Variants in GRID1 observed in about 807,000 individuals in gnomAD.
GRID1 encodes glutamate receptor ionotropic, delta-1.
GRID1 carries 28 observed loss-of-function variants against 98.0 expected under a neutral mutation model. That is an observed-to-expected ratio of 0.29 (90% CI 0.21 to 0.39). The LOEUF (loss-of-function observed/expected upper bound fraction) is 0.39, where lower values mean the gene tolerates loss of function less well. GRID1 is among the 10% of genes least tolerant of loss of function. GRID1 has a pLI of 1.00. For missense variants in GRID1, 1,111 were observed against 1,340.5 expected (o/e 0.83, Z 2.67); for synonymous variants, 553 against 538.5 (o/e 1.03, Z -0.37).
At chr10:85,931,835 T>A (rs1841854117) in intron 4 of GRID1, among the ~76,000 whole-genome samples, 1 of 152,188 alleles carries the variant, frequency 6.6e-6, no homozygotes, top group Non-Finnish European at 1.5e-5. Flanking sequence ...GGGTGTGACT[T>A]GTGGATAGGG....
chr10:85,776,537 G>C (rs1331138299), intron 8 of GRID1, among the ~76,000 whole-genome samples: 1 of 152,202 alleles, frequency 6.6e-6, no homozygotes, highest in Non-Finnish European at 1.5e-5. Context: ...AACTGGGGTG[G>C]CCTGTGTTGA....
chr10:85,637,259 T>C (rs1314138092), intron 13 of GRID1, among the ~76,000 whole-genome samples: 1 of 152,206 alleles, frequency 6.6e-6, no homozygotes, highest in African/African-American at 2.4e-5. Flanking sequence ...AAAAGAAATA[T>C]TTTAAACTTT....
At chr10:85,888,489 T>A (rs759099258) in intron 5 of GRID1, among the ~76,000 whole-genome samples, 5 of 152,230 alleles carry the variant, frequency 3.3e-5, no homozygotes, top group Admixed American at 6.5e-5. Context: ...CCCCATTTTA[T>A]CAATCAACTT....
intron 2 of GRID1, among the ~76,000 whole-genome samples, chr10:86,236,470 T>A (rs77176560): frequency 6.6e-6 from 1 of 152,130 alleles, no homozygotes; most frequent in Non-Finnish European, 1.5e-5. Flanking sequence ...ACCATCACTG[T>A]CCCCACTTCA....
chr10:85,752,642 T>C (rs1001020184), intron 8 of GRID1, among the ~76,000 whole-genome samples: 16 of 152,212 alleles, frequency 1.1e-4, no homozygotes, highest in Admixed American at 3.3e-4. Context: ...AAATATTCTA[T>C]TGCTAACTTG....
intron 5 of GRID1, among the ~76,000 whole-genome samples, chr10:85,896,953 AT>A (rs1251555688): frequency 3.3e-5 from 5 of 152,220 alleles, no homozygotes; most frequent in Non-Finnish European, 7.3e-5. Flanking sequence ...GATTCCTCCA[AT>A]GACAGAATAC....
intron 8 of GRID1, among the ~76,000 whole-genome samples, chr10:85,815,428 T>C (rs1453432578): frequency 6.6e-6 from 1 of 151,754 alleles, no homozygotes; most frequent in Non-Finnish European, 1.5e-5. Context: ...ATACAAGAAA[T>C]ATAGATTGGA....
intron 4 of GRID1, among the ~76,000 whole-genome samples, chr10:86,032,792 C>T (rs1837711014): frequency 1.4e-5 from 2 of 147,952 alleles, no homozygotes; most frequent in Admixed American, 6.8e-5. Flanking sequence ...CCAAATCCCC[C>T]TCTCCGAGAA....
At chr10:85,628,443 C>T (rs1383958465) in intron 13 of GRID1, among the ~76,000 whole-genome samples, 1 of 152,006 alleles carries the variant, frequency 6.6e-6, no homozygotes, top group Non-Finnish European at 1.5e-5. Context: ...AGCACCATTG[C>T]CCCCAGGGAG....
intron 2 of GRID1, among the ~76,000 whole-genome samples, chr10:86,232,324 G>T (rs1564713807): frequency 6.6e-6 from 1 of 152,220 alleles, no homozygotes; most frequent in Non-Finnish European, 1.5e-5. Context: ...TACACTGAGG[G>T]TTCTCTGGCT....
intron 2 of GRID1, among the ~76,000 whole-genome samples, chr10:86,218,163 T>C (rs368922943): frequency 2.6e-5 from 4 of 152,120 alleles, no homozygotes; most frequent in East Asian, 1.9e-4. Context: ...CCTGTGTGTG[T>C]GTGCTTGTGC....
chr10:85,639,353 A>G (rs1843087392), intron 13 of GRID1, among the ~76,000 whole-genome samples: 1 of 152,224 alleles, frequency 6.6e-6, no homozygotes, highest in Non-Finnish European at 1.5e-5. Context: ...ATTTATATTA[A>G]CTACAAGAGC....
intron 4 of GRID1, among the ~76,000 whole-genome samples, chr10:86,007,431 C>T (rs975097551): frequency 6.6e-6 from 1 of 152,160 alleles, no homozygotes; most frequent in African/African-American, 2.4e-5. Flanking sequence ...CTGCTTGCCT[C>T]AATGAGCCTC....
At chr10:85,623,896 T>A (rs916468369) in intron 13 of GRID1, among the ~76,000 whole-genome samples, 1 of 152,208 alleles carries the variant, frequency 6.6e-6, no homozygotes, top group African/African-American at 2.4e-5. Context: ...GAATCTAGCT[T>A]CCTTTCAACC....
chr10:85,819,433 C>T (rs773177837), intron 8 of GRID1, among the ~76,000 whole-genome samples: 43 of 152,170 alleles, frequency 2.8e-4, no homozygotes, highest in Non-Finnish European at 5.6e-4. Flanking sequence ...TAGTAACTTG[C>T]TTCTAATAAA....
intron 8 of GRID1, among the ~76,000 whole-genome samples, chr10:85,807,357 A>T (rs1012603600): frequency 9.4e-5 from 12 of 127,492 alleles, no homozygotes; most frequent in African/African-American, 2.9e-4. Context: ...CTCCTCAAAT[A>T]AAAAAAAAAA....
intron 4 of GRID1, among the ~76,000 whole-genome samples, chr10:85,929,319 T>C (rs1279952556): frequency 6.6e-6 from 1 of 151,982 alleles, no homozygotes; most frequent in Non-Finnish European, 1.5e-5. Flanking sequence ...AGAACAGCAG[T>C]GTTGGGGTCC....
rs35511693 is a variant in GRID1, at chr10:86,336,224, A to G, written c.235+27717T>C. Among the ~76,000 whole-genome samples, 725 of 152,358 alleles carry G rather than the reference A, an allele frequency of 4.8e-3. 2 individuals are homozygous for G. The highest frequency in any genetic ancestry group is 7.2e-3 in the Non-Finnish European group (489 of 68,036). Reference sequence around the variant, plus strand: ...AGGAGATTGTTTCACAGTGTTTGCAATAAAATGTACACAATAACACATAGA... The same window carrying G: ...AGGAGATTGTTTCACAGTGTTTGCAGTAAAATGTACACAATAACACATAGA... On this transcript the variant is annotated intron_variant, in intron 2 of 15. Transcript: ENST00000327946.
At chr10:85,958,487 T>C (rs1013935799) in intron 4 of GRID1, among the ~76,000 whole-genome samples, 5 of 152,206 alleles carry the variant, frequency 3.3e-5, no homozygotes, top group Non-Finnish European at 7.3e-5. Context: ...CTGGGTGAGA[T>C]TAGCATTTGA....
Sources: gnomAD v4.1 joint callset for allele counts (sites outside exome capture counted in the v4.1 genomes callset) on GRCh38, gnomAD v4.1.1 for gene constraint, MANE v1.5 for transcripts, NCBI Gene and HGNC (gene_info 2026-07-23, HGNC 2026-07-21) for gene names.